The following ZNF618 variants were observed in gnomAD, a reference collection of about 807,000 sequenced individuals.
The protein encoded by ZNF618 is zinc finger protein 618.
A neutral mutation model predicts 103.0 loss-of-function variants in ZNF618; 34 were observed. That is an observed-to-expected ratio of 0.33 (90% CI 0.25 to 0.44). The LOEUF (loss-of-function observed/expected upper bound fraction) is 0.44. Ranked by LOEUF, ZNF618 falls within the 20% of genes least tolerant of loss-of-function variation. The probability of loss-of-function intolerance (pLI) is 1.00; values close to 1 mark genes in which losing one functional copy is unlikely to be tolerated. For missense variants in ZNF618, 1,059 were observed against 1,295.4 expected, an observed-to-expected ratio of 0.82 and a Z score of 2.80; for synonymous variants, 551 against 542.2, an observed-to-expected ratio of 1.02 and a Z score of -0.23.
chr9:113,944,570 G>A (rs1834840953), intron 1 of ZNF618, among the ~76,000 whole-genome samples: 1 of 152,254 alleles, frequency 6.6e-6, no homozygotes, highest in African/African-American at 2.4e-5. Flanking sequence ...GAGCCACTGT[G>A]CCTGGCCATA....
intron 1 of ZNF618, among the ~76,000 whole-genome samples, chr9:113,917,235 C>CTTTTTTT (rs56300784): frequency 5.3e-4 from 39 of 74,254 alleles, no homozygotes; most frequent in African/African-American, 6.2e-4. Flanking sequence ...TCTCTCTATC[C>CTTTTTTT]TTTTTTTTTT....
Position 113,951,451 on chromosome 9 carries a change from G to GTATATATACATATATATGTGTA in ZNF618, c.34-17651_34-17650insATGTGTATATATATACATATAT, listed in dbSNP as rs1835652446. ...TGTGTGTATATATATACATATATGT[G>GTATATATACATATATATGTGTA]TATATATACATATATGTGTGTATGT... On this transcript the variant is annotated intron_variant, in intron 1 of 14. Transcript: ENST00000374126. 1.9e-4 allele frequency among the ~76,000 whole-genome samples: 2 copies of GTATATATACATATATATGTGTA among 10,630 alleles called. 1 individual carries two copies. Among genetic ancestry groups the GTATATATACATATATATGTGTA allele is most frequent in the Non-Finnish European group, 4.0e-4 (2 of 4,960 alleles). The allele number at this position is 10,630 out of a possible 152,430, so 7.0% of individuals were successfully genotyped here. A position where few individuals can be genotyped will look rare whatever the true frequency, so the allele number is the denominator to read the frequency against.
At chr9:114,015,978 G>GA (rs1472018607) in intron 9 of ZNF618, 2 of 735,170 alleles carry the variant, frequency 2.7e-6, no homozygotes, top group Non-Finnish European at 4.6e-6. Flanking sequence ...GAGACAGAAT[G>GA]AAGAGTGGGG....
chr9:114,033,032 G>T (rs1036425819), intron 12 of ZNF618, among the ~76,000 whole-genome samples: 1 of 152,174 alleles, frequency 6.6e-6, no homozygotes, highest in Non-Finnish European at 1.5e-5. Flanking sequence ...CAGATGATTG[G>T]GCCTGAGAGA....
At chr9:114,031,705 G>A (rs957828553) in intron 11 of ZNF618, among the ~76,000 whole-genome samples, 2 of 152,156 alleles carry the variant, frequency 1.3e-5, no homozygotes, top group Non-Finnish European at 2.9e-5. Context: ...GTCTGTTTGC[G>A]GGCAGACTTT....
chr9:113,914,516 G>A (rs1401959409), intron 1 of ZNF618, among the ~76,000 whole-genome samples: 3 of 152,128 alleles, frequency 2.0e-5, no homozygotes, highest in Non-Finnish European at 4.4e-5. Flanking sequence ...CGGAGTTGCC[G>A]GTTTATGATT....
At chr9:113,963,426 T>C (rs965609771) in intron 1 of ZNF618, among the ~76,000 whole-genome samples, 1 of 152,204 alleles carries the variant, frequency 6.6e-6, no homozygotes, top group Non-Finnish European at 1.5e-5. Context: ...GCTACAAGAC[T>C]TCAAAGGGCA....
intron 1 of ZNF618, among the ~76,000 whole-genome samples, chr9:113,925,003 T>C (rs1832960550): frequency 6.6e-6 from 1 of 151,992 alleles, no homozygotes; most frequent in African/African-American, 2.4e-5. Flanking sequence ...TGTGGTGTTG[T>C]TGGATGCAAT....
At chr9:113,958,647 G>GT (rs1394491866) in intron 1 of ZNF618, among the ~76,000 whole-genome samples, 1 of 152,212 alleles carries the variant, frequency 6.6e-6, no homozygotes, top group Non-Finnish European at 1.5e-5. Flanking sequence ...CCATTCACAC[G>GT]TTTGTGCCCA....
intron 11 of ZNF618, among the ~76,000 whole-genome samples, chr9:114,029,368 G>A (rs568260953): frequency 6.6e-6 from 1 of 152,226 alleles, no homozygotes; most frequent in South Asian, 2.1e-4. Context: ...ACCTGACATT[G>A]AAAAGTCAAA....
At chr9:114,047,203 C>CA (rs765514026) in intron 13 of ZNF618, among the ~76,000 whole-genome samples, 23 of 152,166 alleles carry the variant, frequency 1.5e-4, no homozygotes, top group Admixed American at 3.3e-4. Flanking sequence ...TGCATATGTG[C>CA]AATTAACAAA....
At chr9:113,991,276 C>A (rs10759672) in intron 3 of ZNF618, among the ~76,000 whole-genome samples, 89,901 of 152,126 alleles carry the variant, frequency 0.59, 27,055 homozygotes, top group Middle Eastern at 0.73. Context: ...TCCTGTGTTA[C>A]ATGAGGCATG....
chr9:114,048,244 A>G (rs1435885463), intron 14 of ZNF618, among the ~76,000 whole-genome samples: 2 of 152,242 alleles, frequency 1.3e-5, no homozygotes, highest in Admixed American at 6.5e-5. Flanking sequence ...CAGAATCAGA[A>G]CTAGAACCCA....
chr9:113,962,404 A>C (rs927947891), intron 1 of ZNF618, among the ~76,000 whole-genome samples: 7 of 152,172 alleles, frequency 4.6e-5, no homozygotes, highest in African/African-American at 1.7e-4. Context: ...TCTCCTTTCA[A>C]CACAGCAACC....
chr9:113,888,774 G>A (rs1026864438), intron 1 of ZNF618, among the ~76,000 whole-genome samples: 1 of 152,194 alleles, frequency 6.6e-6, no homozygotes, highest in Admixed American at 6.5e-5. Flanking sequence ...TACAATAAGG[G>A]CTTGGACTAG....
intron 10 of ZNF618, among the ~76,000 whole-genome samples, chr9:114,024,363 C>G (rs879271724): frequency 6.6e-6 from 1 of 151,914 alleles, no homozygotes; most frequent in Admixed American, 6.6e-5. Flanking sequence ...TGGTTTTTCT[C>G]TTGATTACTG....
At chr9:113,977,422 C>G (rs1249196639) in intron 2 of ZNF618, among the ~76,000 whole-genome samples, 1 of 152,100 alleles carries the variant, frequency 6.6e-6, no homozygotes, top group Non-Finnish European at 1.5e-5. Flanking sequence ...TTTAGACGTC[C>G]AGTGTGAGGG....
At chr9:113,904,595 A>G (rs547284108) in intron 1 of ZNF618, among the ~76,000 whole-genome samples, 2 of 152,324 alleles carry the variant, frequency 1.3e-5, no homozygotes, top group Non-Finnish European at 2.9e-5. Flanking sequence ...ACAAATTATC[A>G]CACACTTAGT....
intron 13 of ZNF618, among the ~76,000 whole-genome samples, chr9:114,045,458 AT>A (rs1306995254): frequency 2.0e-5 from 3 of 151,986 alleles, no homozygotes; most frequent in African/African-American, 7.2e-5. Flanking sequence ...TCCCAGCACC[AT>A]TTGTTGAAAA....
Sources: allele counts gnomAD v4.1 joint callset (sites outside exome capture counted in the v4.1 genomes callset), GRCh38; gene constraint gnomAD v4.1.1; transcripts MANE v1.5; gene names NCBI Gene and HGNC (gene_info 2026-07-23, HGNC 2026-07-21).